IAH1: variants seen among roughly 807,000 people sequenced by gnomAD.
The protein encoded by IAH1 is isoamyl acetate-hydrolyzing esterase 1 homolog.
A neutral mutation model predicts 26.7 loss-of-function variants in IAH1; 24 were observed. That is an observed-to-expected ratio of 0.90 (90% confidence interval 0.65 to 1.26). IAH1 has a LOEUF of 1.26. IAH1 is among the 50% of genes most tolerant of loss of function. The pLI is 0.00. For synonymous variants in IAH1, 140 were observed against 118.5 expected (o/e 1.18, Z -1.18); for missense variants, 300 against 299.9 (o/e 1.00, Z 0.00).
Position 9,485,600 on chromosome 2 carries a change from T to C in IAH1, c.564+1050T>C, listed in dbSNP as rs117016691. On this transcript the variant is annotated intron_variant, in intron 5 of 5. Coordinates refer to ENST00000497473, the MANE Select transcript of IAH1 (RefSeq NM_001039613.3). ...ACCCGGGAGGCAGAGGTCACACCACTGCACTCCGGTCTGGAGGATACAGGG... is the reference window on the plus strand; with the variant it reads ...ACCCGGGAGGCAGAGGTCACACCACCGCACTCCGGTCTGGAGGATACAGGG... The C allele has an allele frequency of 1.7e-3, 257 of 152,958 alleles. 7 individuals carry two copies. The East Asian group carries it at 0.04, about 24-fold the overall frequency. The allele number at this position is 152,958 out of a possible 1,614,324, so 9.5% of individuals were successfully genotyped here.
the IAH1 span, chr2:9,502,120 GA>G: frequency 6.9e-7 from 1 of 1,443,798 alleles, no homozygotes; most frequent in East Asian, 2.3e-5. Flanking sequence ...GTTTTTCAAA[GA>G]CACACACACA....
At chr2:9,483,498 TG>T (rs1468534230) in intron 4 of IAH1, among the ~76,000 whole-genome samples, 1 of 152,338 alleles carries the variant, frequency 6.6e-6, no homozygotes, top group African/African-American at 2.4e-5. Flanking sequence ...GAATCAAAGC[TG>T]GTGAATAGTT....
downstream of IAH1, chr2:9,490,590 A>ATT: frequency 7.1e-7 from 1 of 1,411,772 alleles, no homozygotes; most frequent in East Asian, 2.5e-5. Context: ...CTCCACCCTT[A>ATT]CCCATCAAAC....
chr2:9,502,478 A>G, the IAH1 span, among the ~76,000 whole-genome samples: 4 of 152,192 alleles, frequency 2.6e-5, no homozygotes, highest in Non-Finnish European at 5.9e-5. Flanking sequence ...GTGAGGTCAC[A>G]TAAATGCCAC....
the IAH1 span, chr2:9,505,421 A>G: frequency 3.9e-6 from 6 of 1,523,876 alleles, no homozygotes; most frequent in African/African-American, 5.5e-5. Context: ...ATGTATTCCC[A>G]TGCAATGTTT....
At chr2:9,481,218 T>G (rs1229295577) in intron 3 of IAH1, 68 bp from the exon 4 acceptor site, 23 of 1,534,104 alleles carry the variant, frequency 1.5e-5, no homozygotes, top group Non-Finnish European at 1.9e-5. Flanking sequence ...TTTGCAGAAG[T>G]GTGTTCACCT....
the IAH1 span, among the ~76,000 whole-genome samples, chr2:9,501,720 T>C: frequency 3.9e-5 from 6 of 152,248 alleles, no homozygotes; most frequent in Admixed American, 3.3e-4. Flanking sequence ...GTCATTTTGA[T>C]TGTTTCCAAA....
the IAH1 span, chr2:9,502,237 C>G: frequency 6.2e-7 from 1 of 1,613,952 alleles, no homozygotes; most frequent in African/African-American, 1.3e-5. Flanking sequence ...TCTGGGCAGT[C>G]TCAAACTGAC....
At chr2:9,510,137 G>A in the IAH1 span, 6 of 1,613,864 alleles carry the variant, frequency 3.7e-6, no homozygotes, top group East Asian at 2.2e-5. Flanking sequence ...GCTTCCTTAA[G>A]GATCATGCAA....
chr2:9,499,522 C>T (rs1315613842), downstream of IAH1, among the ~76,000 whole-genome samples: 1 of 152,116 alleles, frequency 6.6e-6, no homozygotes, highest in Non-Finnish European at 1.5e-5. Flanking sequence ...CTGCCTCAGC[C>T]TCCCAAGTAG....
At chr2:9,492,838 T>C, downstream of IAH1, 2 of 1,413,712 alleles carry the variant, frequency 1.4e-6, no homozygotes, top group Non-Finnish European at 1.9e-6. Context: ...AGAGATTACA[T>C]GGTTGGAGTT....
At chr2:9,508,467 A>G in the IAH1 span, among the ~76,000 whole-genome samples, 2 of 152,236 alleles carry the variant, frequency 1.3e-5, no homozygotes, top group Non-Finnish European at 2.9e-5. Context: ...ATCCATTTCA[A>G]GTATATAACT....
Position 9,488,420 on chromosome 2 carries a change from T to G in IAH1, c.*91T>G, listed in dbSNP as rs1661760752. On this transcript the variant is annotated 3_prime_UTR_variant, in exon 6 of 6. Transcript: ENST00000497473. ...ACGCTTTTTTCCTCAGGCTTAAACCTTTGCCACTGATATTAATAATAAAAG... is the reference window on the plus strand; with the variant it reads ...ACGCTTTTTTCCTCAGGCTTAAACCGTTGCCACTGATATTAATAATAAAAG... 3.1e-5 allele frequency: 29 copies of G among 930,420 alleles called. 1 individual carries two copies. In the South Asian group the frequency reaches 4.8e-4, roughly 15 times the overall value. The allele number at this position is 930,420 out of a possible 1,614,324, so 57.6% of individuals were successfully genotyped here. A position where few individuals can be genotyped will look rare whatever the true frequency, so the allele number is the denominator to read the frequency against.
chr2:9,502,607 C>G, the IAH1 span, among the ~76,000 whole-genome samples: 1 of 152,022 alleles, frequency 6.6e-6, no homozygotes, highest in African/African-American at 2.4e-5. Context: ...CGAGGTGGCT[C>G]ACACCTATAA....
At chr2:9,484,883 A>G in intron 5 of IAH1, 1 of 224,174 alleles carries the variant, frequency 4.5e-6, no homozygotes, top group Non-Finnish European at 8.7e-6. Context: ...TAGGTAAAAC[A>G]ATGAATTTAA....
chr2:9,492,104 G>C (rs1355302252), downstream of IAH1, among the ~76,000 whole-genome samples: 1 of 152,216 alleles, frequency 6.6e-6, no homozygotes, highest in Non-Finnish European at 1.5e-5. Flanking sequence ...GGAAAGGAAA[G>C]GAAGGAGGCA....
chr2:9,474,538 G>GGCCCC (rs561437641), upstream of IAH1: 171,795 of 1,279,630 alleles, frequency 0.13, 11,094 homozygotes, highest in African/African-American at 0.22. This position sits in a 1 kb window ranked among gnomAD's most constrained non-coding sequence, Gnocchi z 4.3. Context: ...CGTGGCTGGC[G>GGCCCC]GCCCCGCCCC....
chr2:9,476,520 G>A (rs1463501657), intron 2 of IAH1, among the ~76,000 whole-genome samples: 1 of 152,252 alleles, frequency 6.6e-6, no homozygotes, highest in African/African-American at 2.4e-5. Context: ...CACCAAACAG[G>A]CTTTGTGTGA....
At chr2:9,486,204 T>A (rs1281383436) in intron 5 of IAH1, 1 of 152,228 alleles carries the variant, frequency 6.6e-6, no homozygotes, top group Non-Finnish European at 1.5e-5. Flanking sequence ...CCAGTCACCT[T>A]TGGAGGCCCT....
Sources: gnomAD v4.1 joint callset for allele counts (sites outside exome capture counted in the v4.1 genomes callset) on GRCh38, gnomAD v4.1.1 for gene constraint, Gnocchi (gnomAD v3.1) non-coding constraint, MANE v1.5 for transcripts, NCBI Gene and HGNC (gene_info 2026-07-23, HGNC 2026-07-21) for gene names.